CHD6: variants seen among roughly 807,000 people sequenced by gnomAD.
CHD6 encodes the protein ATP-dependent chromatin remodeler CHD6.
A neutral mutation model predicts 276.9 loss-of-function variants in CHD6; 50 were observed. The ratio of observed to expected loss-of-function variants is 0.18; its 90% CI spans 0.14 to 0.23. The LOEUF (loss-of-function observed/expected upper bound fraction) is 0.23. Among genes scored for constraint, CHD6 ranks in the 10% least tolerant of loss-of-function variants. The probability of loss-of-function intolerance (pLI) is 1.00; values close to 1 mark genes in which losing one functional copy is unlikely to be tolerated. For synonymous variants in CHD6, 1,173 were observed against 1,229.3 expected (o/e 0.95, Z 0.96); for missense variants, 2,564 against 3,365.8 (o/e 0.76, Z 5.89).
At chr20:41,453,391 G>C (rs1428334896) in intron 20 of CHD6, among the ~76,000 whole-genome samples, 2 of 145,588 alleles carry the variant, frequency 1.4e-5, no homozygotes, top group African/African-American at 4.9e-5. Context: ...GCATATTCCT[G>C]CTTTATTTAT....
In CHD6 at chr20:41,403,686, G is replaced by A; in HGVS notation, c.*907C>T. On this transcript the variant is annotated 3_prime_UTR_variant, in exon 37 of 37. Coordinates refer to ENST00000373233, the MANE Select transcript of CHD6 (RefSeq NM_032221.5). ...TATTCTTGGTGAAGGAAAGCCTGAA[G>A]TGAAAATCCATTCGGTCCTGGTGCT... The A allele has an allele frequency of 9.4e-7, 1 of 1,059,386 alleles. No homozygotes were observed. The highest frequency in any genetic ancestry group is 1.6e-5 in the African/African-American group (1 of 60,842). 65.6% of individuals were successfully genotyped at this position (1,059,386 alleles called of 1,614,324 possible). A position where few individuals can be genotyped will look rare whatever the true frequency, so the allele number is the denominator to read the frequency against.
rs139388881 is a variant in CHD6 at position 41,461,087 on chromosome 20, G to C, written c.2665-3659C>G. ...TCCGGTGGATTTTGGACTTCCATGG[G>C]CCCCCTTTGTTTTGGCCAATTTCTC... On this transcript the variant is annotated intron_variant, in intron 17 of 36. Transcript: ENST00000373233. 5.6e-3 allele frequency among the ~76,000 whole-genome samples: 856 copies of C among 152,272 alleles called. 8 individuals carry two copies. Among genetic ancestry groups the C allele is most frequent in the Middle Eastern group, 0.024 (7 of 294 alleles).
chr20:41,608,870 AAC>A, intron 1 of CHD6, among the ~76,000 whole-genome samples: 1 of 152,222 alleles, frequency 6.6e-6, no homozygotes, highest in South Asian at 2.1e-4. Flanking sequence ...GTAAATATGC[AAC>A]ACAGTCAAGA....
rs1365744283 is a variant in CHD6, at chr20:41,403,518, A to T, written c.*1075T>A. The T allele has an allele frequency of 9.4e-7, 1 of 1,062,900 alleles. No homozygotes were observed. The highest frequency in any genetic ancestry group is 1.1e-6 in the Non-Finnish European group (1 of 877,872). The allele number at this position is 1,062,900 out of a possible 1,614,324, so 65.8% of individuals were successfully genotyped here. A position where few individuals can be genotyped will look rare whatever the true frequency, so the allele number is the denominator to read the frequency against. On this transcript the variant is annotated 3_prime_UTR_variant, in exon 37 of 37. Coordinates refer to ENST00000373233, the MANE Select transcript of CHD6 (RefSeq NM_032221.5). ...CTGTAAGATATAAACAGAATGGAGA[A>T]ATTAATGGAGAAGTAACTTTTCATA...
chr20:41,504,432 G>T, intron 5 of CHD6, among the ~76,000 whole-genome samples: 1 of 128,746 alleles, frequency 7.8e-6, no homozygotes. Flanking sequence ...TTTTTAGACA[G>T]GATCTCACTC....
In CHD6 at chr20:41,478,017, C is replaced by T. The variant is rs866093637; in HGVS notation, c.2469-4500G>A. ...GTGGGAGCCCTTACTCTTTCTCACC[C>T]CTCCCCCACAATTAGCTCTAAATAC... On this transcript the variant is annotated intron_variant, in intron 16 of 36. Coordinates refer to ENST00000373233, the MANE Select transcript of CHD6 (RefSeq NM_032221.5). 5.9e-5 allele frequency among the ~76,000 whole-genome samples: 9 copies of T among 152,258 alleles called. No homozygotes were observed. In the Middle Eastern group the frequency reaches 0.014, roughly 232 times the overall value.
At chr20:41,523,656 T>G (rs2085971342) in intron 3 of CHD6, among the ~76,000 whole-genome samples, 2 of 151,920 alleles carry the variant, frequency 1.3e-5, no homozygotes, top group Non-Finnish European at 2.9e-5. Context: ...TTTTGTTTTT[T>G]TTTTTGCTTT....
At chr20:41,515,007 T>C in intron 3 of CHD6, 55 bp from the exon 4 acceptor site, 1 of 1,575,910 alleles carries the variant, frequency 6.3e-7, no homozygotes, top group Non-Finnish European at 8.7e-7. Flanking sequence ...AACTAAGATT[T>C]CTCATGTGAT....
Position 41,610,307 on chromosome 20 carries a change from G to C in CHD6, c.-24+8033C>G, listed in dbSNP as rs370274711. Among the ~76,000 whole-genome samples the C allele has an allele frequency of 6.6e-5, 10 of 152,254 alleles. No individual in the cohort carries two copies. The East Asian group carries it at 7.7e-4, about 12-fold the overall frequency. ...TATTCCCCATTTACAAGTAGATGGG[G>C]AGAGGAGACGGAGAATATGCAACCC... On this transcript the variant is annotated intron_variant, in intron 1 of 36. Transcript: ENST00000373233.
At chr20:41,447,787 G>C in intron 24 of CHD6, 95 bp downstream of exon 24, 2 of 780,054 alleles carry the variant, frequency 2.6e-6, no homozygotes, top group East Asian at 5.4e-5. Flanking sequence ...GAGGAACATG[G>C]GCCTCTTTAA....
intron 36 of CHD6, among the ~76,000 whole-genome samples, chr20:41,409,312 T>C (rs181034319): frequency 1.2e-3 from 188 of 152,178 alleles, no homozygotes; most frequent in Admixed American, 2.6e-3. Context: ...CTGGTAATTA[T>C]ACCCTGGGAG....
At chr20:41,610,337 T>A (rs903662739) in intron 1 of CHD6, among the ~76,000 whole-genome samples, 1 of 152,140 alleles carries the variant, frequency 6.6e-6, no homozygotes, top group Non-Finnish European at 1.5e-5. Context: ...CAACCCCGAA[T>A]GAACCAAAGA....
chr20:41,497,143 A>G, intron 8 of CHD6: 1 of 464,016 alleles, frequency 2.2e-6, no homozygotes, highest in Non-Finnish European at 4.0e-6. Flanking sequence ...ATTTATTAGT[A>G]TTCAGACCAA....
At chr20:41,556,195 G>A (rs1358815521) in intron 1 of CHD6, among the ~76,000 whole-genome samples, 1 of 152,122 alleles carries the variant, frequency 6.6e-6, no homozygotes, top group Non-Finnish European at 1.5e-5. Flanking sequence ...GAGCCGAGAT[G>A]GCAGCAGTAC....
chr20:41,562,812 C>G (rs1000703671), intron 1 of CHD6, among the ~76,000 whole-genome samples: 2 of 151,670 alleles, frequency 1.3e-5, no homozygotes, highest in Non-Finnish European at 2.9e-5. Context: ...AGTAAATATA[C>G]TAATAGCATA....
chr20:41,483,587 C>T (rs1186401835), intron 15 of CHD6, 68 bp from the exon 16 acceptor site: 1 of 1,182,060 alleles, frequency 8.5e-7, no homozygotes, highest in Non-Finnish European at 1.2e-6. Flanking sequence ...CTCTGCTTTA[C>T]AGATCCTGGG....
chr20:41,536,304 G>A (rs2044828791), intron 2 of CHD6, among the ~76,000 whole-genome samples: 1 of 152,174 alleles, frequency 6.6e-6, no homozygotes, highest in Admixed American at 6.5e-5. Context: ...GGTTCCACTG[G>A]TAACACATGC....
chr20:41,453,722 T>C (rs935047396), intron 20 of CHD6, among the ~76,000 whole-genome samples: 1 of 152,216 alleles, frequency 6.6e-6, no homozygotes, highest in Non-Finnish European at 1.5e-5. Flanking sequence ...CCCAGTGTCC[T>C]GCACACACAG....
chr20:41,427,519 G>A (rs1400188235), intron 27 of CHD6, among the ~76,000 whole-genome samples: 1 of 152,168 alleles, frequency 6.6e-6, no homozygotes, highest in Non-Finnish European at 1.5e-5. Context: ...AGGTCACACA[G>A]CTGGCAAGTG....
Sources: gnomAD v4.1 joint callset for allele counts (sites outside exome capture counted in the v4.1 genomes callset) on GRCh38, gnomAD v4.1.1 for gene constraint, MANE v1.5 for transcripts, NCBI Gene and HGNC (gene_info 2026-07-23, HGNC 2026-07-21) for gene names.